EMC3: variants seen among roughly 807,000 people sequenced by gnomAD.
The protein encoded by EMC3 is 30 kDa protein.
In EMC3, 13 loss-of-function variants were observed where a neutral mutation model predicts 36.6. The observed-to-expected ratio is 0.35, with a 90% CI of 0.23 to 0.56. The LOEUF (loss-of-function observed/expected upper bound fraction) is 0.56. Ranked by LOEUF, EMC3 falls within the 20% of genes least tolerant of loss-of-function variation. The pLI is 0.84. For missense variants in EMC3, 220 were observed against 324.5 expected (o/e 0.68, Z 2.47); for synonymous variants, 120 against 111.9 (o/e 1.07, Z -0.46).
intron 1 of EMC3, chr3:10,008,538 G>T: frequency 1.5e-6 from 2 of 1,306,334 alleles, no homozygotes; most frequent in African/African-American, 1.5e-5. Flanking sequence ...AGCAGGGCGG[G>T]TTCCCAAAAG....
chr3:10,009,767 G>A (rs2086303910), intron 1 of EMC3: 1 of 152,314 alleles, frequency 6.6e-6, no homozygotes, highest in Admixed American at 6.5e-5. Flanking sequence ...CACGCCCCCT[G>A]TCTGGCTGCA....
intron 3 of EMC3, among the ~76,000 whole-genome samples, chr3:9,976,155 G>A (rs1464366514): frequency 6.6e-6 from 1 of 152,030 alleles, no homozygotes; most frequent in Admixed American, 6.6e-5. Flanking sequence ...CGCCCAGGCT[G>A]GAGTGCAGTG....
chr3:9,974,454 A>G lies in EMC3; in HGVS notation c.342T>C (p.Asn114=). The G allele has an allele frequency of 1.2e-6, 2 of 1,613,416 alleles. No individual in the cohort carries two copies. The highest frequency in any genetic ancestry group is 2.2e-5 in the East Asian group (1 of 44,884). The change falls in exon 4 of 8, where the codon AAT becomes AAC. Residue 114 remains asparagine (N), a synonymous_variant. Coordinates refer to ENST00000245046, the MANE Select transcript of EMC3 (RefSeq NM_001394674.1). ...GAATCATAGGGAGGACATTTGTTACATTCCCTTTCATCATGTCTGTCAACA... is the reference window on the plus strand; with the variant it reads ...GAATCATAGGGAGGACATTTGTTACGTTCCCTTTCATCATGTCTGTCAACA... ...PTMLTDMMKG[N]VTNVLPMILI...
chr3:9,992,640 C>T (rs2086069263), intron 1 of EMC3, among the ~76,000 whole-genome samples: 1 of 152,152 alleles, frequency 6.6e-6, no homozygotes, highest in Admixed American at 6.5e-5. Flanking sequence ...GTAGTAGTAT[C>T]ACTTTAATGT....
intron 1 of EMC3, chr3:10,002,960 C>T (rs759069652): frequency 1.1e-5 from 5 of 451,590 alleles, no homozygotes; most frequent in Non-Finnish European, 2.2e-5. Context: ...GCTCAACAAG[C>T]CTTCCAGTAT....
At chr3:10,002,800 C>T (rs554153546) in intron 1 of EMC3, 1 of 455,814 alleles carries the variant, frequency 2.2e-6, no homozygotes, top group Admixed American at 2.4e-5. Context: ...CCAGCATGAC[C>T]CTGTGTCTTC....
intron 1 of EMC3, among the ~76,000 whole-genome samples, chr3:10,001,867 C>T (rs944228078): frequency 6.7e-5 from 10 of 148,494 alleles, no homozygotes; most frequent in South Asian, 2.2e-4. Context: ...GGCGTGGTGG[C>T]GGGTGCCTGT....
intron 1 of EMC3, among the ~76,000 whole-genome samples, chr3:9,997,235 CTT>C (rs879325383): frequency 4.8e-5 from 7 of 144,448 alleles, no homozygotes; most frequent in Non-Finnish European, 7.6e-5. Context: ...TTCCTTCTTT[CTT>C]TTTTTTTTTT....
intron 3 of EMC3, among the ~76,000 whole-genome samples, chr3:9,975,880 C>G (rs1032089903): frequency 2.0e-5 from 3 of 149,630 alleles, no homozygotes; most frequent in Non-Finnish European, 4.4e-5. Context: ...TTAGTGAGGT[C>G]AAGTAACTTT....
At chr3:9,973,551 A>G in intron 5 of EMC3, 77 bp downstream of exon 5, 1 of 1,353,944 alleles carries the variant, frequency 7.4e-7, no homozygotes, top group East Asian at 2.3e-5. Context: ...TCTCAAACTC[A>G]TGGGCTCAAG....
At chr3:9,999,226 C>T (rs923071838) in intron 1 of EMC3, among the ~76,000 whole-genome samples, 3 of 151,198 alleles carry the variant, frequency 2.0e-5, no homozygotes, top group African/African-American at 7.3e-5. Context: ...TATTTAGTTT[C>T]GATAAAGTCA....
chr3:9,992,500 A>G (rs112771819), intron 1 of EMC3, among the ~76,000 whole-genome samples: 2 of 152,238 alleles, frequency 1.3e-5, no homozygotes, highest in African/African-American at 4.8e-5. Context: ...AACCCTTTCC[A>G]GATTGATGGG....
intron 7 of EMC3, among the ~76,000 whole-genome samples, chr3:9,964,905 TA>T (rs2085721384): frequency 6.6e-6 from 1 of 152,128 alleles, no homozygotes; most frequent in South Asian, 2.1e-4. Context: ...AATATTCTAT[TA>T]ATCTGACTAC....
At chr3:9,983,938 T>A (rs1472537265) in intron 1 of EMC3, among the ~76,000 whole-genome samples, 2 of 152,192 alleles carry the variant, frequency 1.3e-5, no homozygotes, top group African/African-American at 4.8e-5. Flanking sequence ...TCCCTGGAAT[T>A]GTAAAAATGG....
At chr3:9,997,295 C>T (rs1307938174) in intron 1 of EMC3, among the ~76,000 whole-genome samples, 3 of 151,018 alleles carry the variant, frequency 2.0e-5, no homozygotes, top group Non-Finnish European at 4.4e-5. Flanking sequence ...TGGTCTCGAT[C>T]TCCTGACCTC....
intron 1 of EMC3, among the ~76,000 whole-genome samples, chr3:9,980,555 T>TG (rs982899366): frequency 1.1e-5 from 1 of 90,640 alleles, no homozygotes; most frequent in Non-Finnish European, 2.3e-5. Context: ...GTTTTTTTTG[T>TG]TTTTTTTTTT....
chr3:9,990,837 TA>T (rs1484948847), upstream of EMC3, among the ~76,000 whole-genome samples: 8,228 of 150,182 alleles, frequency 0.055, 739 homozygotes, highest in African/African-American at 0.19. Context: ...TTTATTTATT[TA>T]TTTATTTTTT....
At chr3:10,007,403 C>A (rs1274176331) in intron 1 of EMC3, 1 of 1,367,410 alleles carries the variant, frequency 7.3e-7, no homozygotes, top group Non-Finnish European at 9.8e-7. Context: ...GTGCTGGGGT[C>A]AGTGGCGGGG....
chr3:9,971,084 G>A (rs1040579434), intron 5 of EMC3, among the ~76,000 whole-genome samples: 6 of 152,044 alleles, frequency 3.9e-5, no homozygotes, highest in Non-Finnish European at 4.4e-5. Flanking sequence ...CACCATGCCT[G>A]GCTAATTTTT....
Sources: gnomAD v4.1 joint callset for allele counts (sites outside exome capture counted in the v4.1 genomes callset) on GRCh38, gnomAD v4.1.1 for gene constraint, MANE v1.5 for transcripts, NCBI Gene and HGNC (gene_info 2026-07-23, HGNC 2026-07-21) for gene names.